Variants in CCSER1 observed in about 807,000 individuals in gnomAD.
CCSER1 encodes serine-rich coiled-coil domain-containing protein 1.
A neutral mutation model predicts 82.0 loss-of-function variants in CCSER1; 41 were observed. The observed-to-expected ratio is 0.50, with a 90% CI of 0.39 to 0.65. The LOEUF (loss-of-function observed/expected upper bound fraction) is 0.65, where lower values mean the gene tolerates loss of function less well. Among genes scored for constraint, CCSER1 ranks in the 30% least tolerant of loss-of-function variants. CCSER1 has a pLI of 0.00. For synonymous variants in CCSER1, 414 were observed against 383.9 expected (o/e 1.08, Z -0.92); for missense variants, 1,119 against 1,064.2 (o/e 1.05, Z -0.72).
intron 4 of CCSER1, among the ~76,000 whole-genome samples, chr4:90,442,819 G>A: frequency 6.6e-6 from 1 of 152,252 alleles, no homozygotes; most frequent in African/African-American, 2.4e-5. Flanking sequence ...TTATCCTCCT[G>A]GGAGGGAATT....
intron 5 of CCSER1, among the ~76,000 whole-genome samples, chr4:90,497,900 T>G (rs2153609847): frequency 6.6e-6 from 1 of 151,946 alleles, no homozygotes; most frequent in Admixed American, 6.6e-5. Flanking sequence ...GTTCTTCTCA[T>G]GAGGGAGTGC....
intron 10 of CCSER1, among the ~76,000 whole-genome samples, chr4:91,114,639 T>C (rs1726392791): frequency 6.6e-6 from 1 of 152,160 alleles, no homozygotes. Flanking sequence ...CTCTTTGCAG[T>C]TGGTGGCACA....
At chr4:91,234,867 C>T (rs1057030798) in intron 10 of CCSER1, among the ~76,000 whole-genome samples, 2 of 152,012 alleles carry the variant, frequency 1.3e-5, no homozygotes, top group South Asian at 2.1e-4. Context: ...TAGAAACTCA[C>T]GTTATCATTG....
chr4:90,568,566 T>G (rs912379565), intron 5 of CCSER1, among the ~76,000 whole-genome samples: 2 of 152,088 alleles, frequency 1.3e-5, no homozygotes, highest in African/African-American at 4.8e-5. Flanking sequence ...GTAAAGTGAG[T>G]CTCTTTAGGC....
intron 6 of CCSER1, among the ~76,000 whole-genome samples, chr4:90,669,608 G>C (rs1383307820): frequency 1.3e-5 from 2 of 152,054 alleles, no homozygotes; most frequent in Non-Finnish European, 2.9e-5. Context: ...TCGTTTAGGG[G>C]AGGGAATAAA....
rs557693310 is a variant in CCSER1, at chr4:91,602,581, A to G, written c.*3524A>G. On this transcript the variant is annotated 3_prime_UTR_variant, in exon 11 of 11. Transcript: ENST00000509176. ...GAAATAGTAACCCATAGCAGTGGATAATTTGGAATACTTAGCATAATCTCA... is the reference window on the plus strand; with the variant it reads ...GAAATAGTAACCCATAGCAGTGGATGATTTGGAATACTTAGCATAATCTCA... 1.3e-5 allele frequency among the ~76,000 whole-genome samples: 2 copies of G among 152,162 alleles called. No individual in the cohort carries two copies. The highest frequency in any genetic ancestry group is 1.9e-4 in the East Asian group (1 of 5,186).
intron 3 of CCSER1, among the ~76,000 whole-genome samples, chr4:90,363,315 G>T (rs929720448): frequency 6.6e-6 from 1 of 152,044 alleles, no homozygotes; most frequent in African/African-American, 2.4e-5. Flanking sequence ...CTGACACCAA[G>T]AATATATTTA....
intron 3 of CCSER1, among the ~76,000 whole-genome samples, chr4:90,370,672 G>A (rs923099741): frequency 1.3e-5 from 2 of 151,996 alleles, no homozygotes; most frequent in African/African-American, 2.4e-5. Context: ...TTTTAAGAAA[G>A]CTCATTTTAA....
At chr4:91,190,536 T>C (rs899699882) in intron 10 of CCSER1, among the ~76,000 whole-genome samples, 4 of 152,180 alleles carry the variant, frequency 2.6e-5, no homozygotes, top group African/African-American at 7.2e-5. Context: ...AATTTTTTTT[T>C]CCACAAAGCC....
chr4:90,765,859 A>G (rs1751141686), intron 7 of CCSER1, among the ~76,000 whole-genome samples: 1 of 152,156 alleles, frequency 6.6e-6, no homozygotes, highest in Non-Finnish European at 1.5e-5. Context: ...ATTTTGCAGA[A>G]TGAGTCATAT....
rs60518420 is a variant in CCSER1, at chr4:90,977,234, T to A, written c.2172+53787T>A. Among the ~76,000 whole-genome samples the A allele has an allele frequency of 3.2e-4, 49 of 151,632 alleles. No individual in the cohort carries two copies. In the South Asian group the frequency reaches 0.01, roughly 31 times the overall value. Reference sequence around the variant, plus strand: ...ACAGAGGGCACCAGGATTCTTGATATCACTTTGGAGATTGTTCCAGCCCTG... The same window carrying A: ...ACAGAGGGCACCAGGATTCTTGATAACACTTTGGAGATTGTTCCAGCCCTG... On this transcript the variant is annotated intron_variant, in intron 9 of 10. Coordinates refer to ENST00000509176, the MANE Select transcript of CCSER1 (RefSeq NM_001145065.2).
intron 10 of CCSER1, among the ~76,000 whole-genome samples, chr4:91,401,614 G>C (rs1560642223): frequency 6.6e-6 from 1 of 151,708 alleles, no homozygotes. Context: ...TGTTCTCATT[G>C]TTCAATTCCC....
At chr4:91,087,932 A>AT (rs1436379478) in intron 10 of CCSER1, among the ~76,000 whole-genome samples, 1 of 152,186 alleles carries the variant, frequency 6.6e-6, no homozygotes, top group Non-Finnish European at 1.5e-5. Context: ...TAGGTGAAGT[A>AT]TGTTGTAAAA....
intron 1 of CCSER1, among the ~76,000 whole-genome samples, chr4:90,185,869 T>C (rs1734523792): frequency 6.6e-6 from 1 of 152,044 alleles, no homozygotes; most frequent in African/African-American, 2.4e-5. Flanking sequence ...TCACAAAGGA[T>C]TACTACATCC....
chr4:90,133,856 A>G (rs994428987), intron 1 of CCSER1, among the ~76,000 whole-genome samples: 16 of 152,198 alleles, frequency 1.1e-4, no homozygotes, highest in African/African-American at 3.9e-4. Context: ...CACATAGTAG[A>G]CGCCTGATAA....
chr4:91,210,302 A>T (rs1343420344), intron 10 of CCSER1, among the ~76,000 whole-genome samples: 1 of 151,016 alleles, frequency 6.6e-6, no homozygotes, highest in Non-Finnish European at 1.5e-5. Flanking sequence ...CCCATTGAAG[A>T]TATGGGAAAC....
At chr4:91,521,695 T>C (rs754066683) in intron 10 of CCSER1, among the ~76,000 whole-genome samples, 28 of 152,220 alleles carry the variant, frequency 1.8e-4, no homozygotes, top group Non-Finnish European at 4.0e-4. Flanking sequence ...GAAATGCCTG[T>C]TCATATTCTT....
At chr4:91,378,046 G>C (rs747979047) in intron 10 of CCSER1, among the ~76,000 whole-genome samples, 17 of 152,162 alleles carry the variant, frequency 1.1e-4, no homozygotes, top group Non-Finnish European at 2.1e-4. Flanking sequence ...ATTTGTCAAA[G>C]ATCAGATGGT....
At chr4:91,485,047 C>G (rs1212242817) in intron 10 of CCSER1, among the ~76,000 whole-genome samples, 1 of 152,050 alleles carries the variant, frequency 6.6e-6, no homozygotes, top group Non-Finnish European at 1.5e-5. Context: ...TCAGACTGAT[C>G]CAAGAGCCCT....
Sources: allele counts gnomAD v4.1 joint callset (sites outside exome capture counted in the v4.1 genomes callset), GRCh38; gene constraint gnomAD v4.1.1; transcripts MANE v1.5; gene names NCBI Gene and HGNC (gene_info 2026-07-23, HGNC 2026-07-21).